The following DDX20 variants were observed in gnomAD, a reference collection of about 807,000 sequenced individuals.
DDX20 encodes the protein DEAD-box helicase 20, also known as probable ATP-dependent RNA helicase DDX20.
Under a neutral mutation model 76.4 loss-of-function variants are expected in DDX20, and 61 were observed. That is an observed-to-expected ratio of 0.80 (90% confidence interval 0.65 to 0.99). The LOEUF (loss-of-function observed/expected upper bound fraction) is 0.99, where lower values mean the gene tolerates loss of function less well. DDX20 is among the 50% of genes least tolerant of loss of function. DDX20 has a pLI of 0.00. For synonymous variants in DDX20, 357 were observed against 357.4 expected, an observed-to-expected ratio of 1.00 and a Z score of 0.01; for missense variants, 976 against 996.8, an observed-to-expected ratio of 0.98 and a Z score of 0.28.
rs145651936 is a variant in DDX20, at chr1:111,759,358, T to TA, written c.397-41dup. 3,295 of 1,484,398 alleles carry TA rather than the reference T, an allele frequency of 2.2e-3. 81 individuals carry two copies. The African/African-American group carries it at 0.042, about 19-fold the overall frequency. The allele number at this position is 1,484,398 out of a possible 1,614,324, so 92.0% of individuals were successfully genotyped here. A position where few individuals can be genotyped will look rare whatever the true frequency, so the allele number is the denominator to read the frequency against. On this transcript the variant is annotated intron_variant, in intron 2 of 10. Coordinates refer to ENST00000369702, the MANE Select transcript of DDX20 (RefSeq NM_007204.5). ...TGAATATACCAGTCCCCTATGTATTTATTCCTCTGACTCAAAGGTGTAATT... is the reference window on the plus strand; with the variant it reads ...TGAATATACCAGTCCCCTATGTATTTAATTCCTCTGACTCAAAGGTGTAATT...
chr1:111,760,141 C>T (rs1047352289), intron 3 of DDX20, among the ~76,000 whole-genome samples: 1 of 152,118 alleles, frequency 6.6e-6, no homozygotes, highest in Non-Finnish European at 1.5e-5. Flanking sequence ...TCAGGAGGCC[C>T]TTCTAAGCCA....
At chr1:111,759,199 C>A (rs1382130692) in intron 2 of DDX20, among the ~76,000 whole-genome samples, 2 of 152,196 alleles carry the variant, frequency 1.3e-5, no homozygotes, top group Admixed American at 1.3e-4. Context: ...CAGACTTGAG[C>A]ATCTGCCAGT....
At position 111,766,941 on chromosome 1, in the gene DDX20, G is replaced by C. The variant is rs1327528420; in HGVS notation, c.*42G>C. 2 of 1,445,884 alleles carry C rather than the reference G, an allele frequency of 1.4e-6. No individual in the cohort carries two copies. Among genetic ancestry groups the C allele is most frequent in the Non-Finnish European group, 1.9e-6 (2 of 1,052,068 alleles). 89.6% of individuals were successfully genotyped at this position (1,445,884 alleles called of 1,614,324 possible). A position where few individuals can be genotyped will look rare whatever the true frequency, so the allele number is the denominator to read the frequency against. On this transcript the variant is annotated 3_prime_UTR_variant, in exon 11 of 11. Coordinates refer to ENST00000369702, the MANE Select transcript of DDX20 (RefSeq NM_007204.5). Reference sequence around the variant, plus strand: ...AGACCATCAGGAACTGTCAACAAATGATACCTTTGGATATCCATCCTCCTC... The same window carrying C: ...AGACCATCAGGAACTGTCAACAAATCATACCTTTGGATATCCATCCTCCTC...
chr1:111,756,679 A>G lies in DDX20; in HGVS notation c.335A>G (p.Lys112Arg), dbSNP rs778592656. 5.0e-6 allele frequency: 8 copies of G among 1,614,150 alleles called. No homozygotes were observed. The highest frequency in any genetic ancestry group is 6.8e-6 in the Non-Finnish European group (8 of 1,180,008). ...LIVQAKSGTG[K>R]TCVFSTIALD... is the part of the protein sequence containing the mutation. ...GTTCAAGCTAAATCTGGCACCGGGAAAACCTGTGTGTTCTCCACCATAGCT... is the reference window on the plus strand; with the variant it reads ...GTTCAAGCTAAATCTGGCACCGGGAGAACCTGTGTGTTCTCCACCATAGCT... Residue 112 changes from lysine to arginine, a missense_variant, in exon 2 of 11, where the codon AAA (lysine) becomes AGA (arginine). By Grantham distance (26) the Lys-to-Arg change is conservative. Around this residue, in one of 3 missense-constraint regions of DDX20, gnomAD observed 343 missense variants for 286.4 expected, o/e 1.20. Coordinates refer to ENST00000369702, the MANE Select transcript of DDX20 (RefSeq NM_007204.5).
rs1663793908 is a variant in DDX20, at chr1:111,766,842, G to A, written c.2418G>A (p.Met806Ile). 6.2e-7 allele frequency: 1 copy of A among 1,613,786 alleles called. No individual in the cohort carries two copies. Among genetic ancestry groups the A allele is most frequent in the Non-Finnish European group, 8.5e-7 (1 of 1,179,940 alleles). Residue 806 changes from methionine (M) to isoleucine (I), a missense_variant, in exon 11 of 11, where the codon ATG becomes ATA. Transcript: ENST00000369702. ...ATGCTCAGAGACATCCAAGTTGGATGGCAGCTTATCACATGAATACCATTT... is the reference window on the plus strand; with the variant it reads ...ATGCTCAGAGACATCCAAGTTGGATAGCAGCTTATCACATGAATACCATTT... ...YWNAQRHPSWMAAYHMNTIYL... is the reference protein window; with the variant it reads ...YWNAQRHPSWIAAYHMNTIYL...
intron 2 of DDX20, among the ~76,000 whole-genome samples, chr1:111,758,373 T>A (rs1162991425): frequency 3.4e-4 from 44 of 130,850 alleles, no homozygotes; most frequent in East Asian, 2.5e-3. Context: ...TTTTTTTTTT[T>A]AAATCAATTT....
At position 111,759,362 on chromosome 1, in the gene DDX20, C is replaced by A. The variant is rs1320978023; in HGVS notation, c.397-38C>A. ...TATACCAGTCCCCTATGTATTTATT[C>A]CTCTGACTCAAAGGTGTAATTTATG... On this transcript the variant is annotated intron_variant, in intron 2 of 10. Coordinates refer to ENST00000369702, the MANE Select transcript of DDX20 (RefSeq NM_007204.5). The A allele has an allele frequency of 7.3e-6, 11 of 1,507,278 alleles. 1 individual carries two copies. The highest frequency in any genetic ancestry group is 1.0e-5 in the Non-Finnish European group (11 of 1,103,798). The allele number at this position is 1,507,278 out of a possible 1,614,324, so 93.4% of individuals were successfully genotyped here. A position where few individuals can be genotyped will look rare whatever the true frequency, so the allele number is the denominator to read the frequency against.
At chr1:111,762,519 C>A in intron 8 of DDX20, 158 bp from the exon 9 acceptor site, 1 of 830,584 alleles carries the variant, frequency 1.2e-6, no homozygotes, top group Non-Finnish European at 1.9e-6. Context: ...TATCTTTGTC[C>A]TTGAAATTAG....
intron 10 of DDX20, 36 bp from the exon 11 acceptor site, chr1:111,765,701 G>A (rs1485648218): frequency 6.6e-7 from 1 of 1,518,388 alleles, no homozygotes; most frequent in African/African-American, 1.4e-5. Context: ...AGAGTAGCTT[G>A]AGAATTTTAA....
At position 111,762,990 on chromosome 1, in the gene DDX20, A is replaced by G. The variant is rs768542030; in HGVS notation, c.1295A>G (p.Asn432Ser). The G allele has an allele frequency of 4.3e-6, 7 of 1,612,586 alleles. No homozygotes were observed. The African/African-American group carries it at 8.0e-5, about 18-fold the overall frequency. ...AGAATTGCCCAGAAATGTAATATCA[A>G]CCTTCTCCCTTTACCAGGTACATTT... ...MMRIAQKCNI[N>S]LLPLPDPIPS... Residue 432 changes from asparagine (N) to serine (S), a missense_variant, in exon 10 of 11, where the codon AAC (asparagine) becomes AGC (serine). Physicochemically the swap from Asn to Ser is conservative, Grantham distance 46 (BLOSUM62 1). This residue lies in a region of DDX20 where 630 missense variants were observed against 693.7 expected (regional missense o/e 0.91). Transcript: ENST00000369702.
At chr1:111,756,266 G>GGGGC in intron 1 of DDX20, 41 bp downstream of exon 1, 11 of 842,516 alleles carry the variant, frequency 1.3e-5, no homozygotes, top group South Asian at 2.0e-5. Context: ...GGTGGGGTGG[G>GGGGC]AGAAGGGGGA....
rs1255394153 is a variant in DDX20 at position 111,766,928 on chromosome 1, A to G, written c.*29A>G. The G allele has an allele frequency of 6.5e-7, 1 of 1,539,962 alleles. No homozygotes were observed. The highest frequency in any genetic ancestry group is 1.7e-5 in the Admixed American group (1 of 58,652). ...TAGGATATACCTGAGACCATCAGGA[A>G]CTGTCAACAAATGATACCTTTGGAT... On this transcript the variant is annotated 3_prime_UTR_variant, in exon 11 of 11. Transcript: ENST00000369702.
intron 1 of DDX20, among the ~76,000 whole-genome samples, chr1:111,756,427 A>T (rs1035794500): frequency 6.6e-6 from 1 of 152,196 alleles, no homozygotes; most frequent in African/African-American, 2.4e-5. Context: ...GATAGTTAAG[A>T]CCTTTTTTTA....
intron 10 of DDX20, among the ~76,000 whole-genome samples, chr1:111,765,137 T>C (rs1022452815): frequency 6.6e-6 from 1 of 152,214 alleles, no homozygotes; most frequent in African/African-American, 2.4e-5. Flanking sequence ...ATAGAAAATT[T>C]AGAGGGTTGA....
Position 111,767,031 on chromosome 1 carries a change from C to G in DDX20, c.*132C>G. 1.6e-6 allele frequency: 1 copy of G among 611,712 alleles called. No individual in the cohort carries two copies. Among genetic ancestry groups the G allele is most frequent in the Non-Finnish European group, 2.7e-6 (1 of 367,860 alleles). 37.9% of individuals were successfully genotyped at this position (611,712 alleles called of 1,614,324 possible). A position where few individuals can be genotyped will look rare whatever the true frequency, so the allele number is the denominator to read the frequency against. On this transcript the variant is annotated 3_prime_UTR_variant, in exon 11 of 11. Coordinates refer to ENST00000369702, the MANE Select transcript of DDX20 (RefSeq NM_007204.5). ...ACTTGAAAAGACTTGAGTCTTTCCA[C>G]TGGGACACATCCATTTTTCAGATTG... is the stretch of plus-strand genomic sequence containing the variant.
rs764570934 is a variant in DDX20 at position 111,765,933 on chromosome 1, A to T, written c.1509A>T (p.Gly503=). 10 of 1,613,444 alleles carry T rather than the reference A, an allele frequency of 6.2e-6. No individual in the cohort carries two copies. The highest frequency in any genetic ancestry group is 1.3e-5 in the African/African-American group (1 of 74,782). ...MASSRNNSVS[G]LSVKSKNNTK... ...CCTCTAGAAATAATTCTGTATCTGG[A>T]CTATCAGTCAAATCAAAAAATAATA... Residue 503 remains glycine (G), a synonymous_variant, in exon 11 of 11, where the codon GGA becomes GGT. Coordinates refer to ENST00000369702, the MANE Select transcript of DDX20 (RefSeq NM_007204.5).
intron 2 of DDX20, 113 bp from the exon 3 acceptor site, chr1:111,759,287 A>G: frequency 1.1e-6 from 1 of 885,870 alleles, no homozygotes; most frequent in Non-Finnish European, 1.6e-6. Context: ...ATCAATAAAA[A>G]CTCATTTGAA....
chr1:111,760,494 G>A lies in DDX20; in HGVS notation c.586G>A (p.Glu196Lys). The A allele has an allele frequency of 6.2e-7, 1 of 1,600,020 alleles. No homozygotes were observed. Among genetic ancestry groups the A allele is most frequent in the Non-Finnish European group, 8.5e-7 (1 of 1,175,926 alleles). The change falls in exon 4 of 11, where the codon GAA (glutamate) becomes AAA (lysine). Residue 196 changes from glutamate (E) to lysine (K), a missense_variant. This residue lies in a region of DDX20 where 343 missense variants were observed against 286.4 expected (regional missense o/e 1.20). Transcript: ENST00000369702. ...ATTAGGCAGAATTAAGCAACTCATA[G>A]AACTTGACTACTTGAACCCAGGCAG... The part of the protein sequence containing the change: ...GSPGRIKQLI[E>K]LDYLNPGSIR...
rs1465671297 is a variant in DDX20 at position 111,762,293 on chromosome 1, A to G, written c.1060A>G (p.Lys354Glu). 6.2e-7 allele frequency: 1 copy of G among 1,613,562 alleles called. No individual in the cohort carries two copies. Among genetic ancestry groups the G allele is most frequent in the Non-Finnish European group, 8.5e-7 (1 of 1,179,810 alleles). ...NQNQRLDAMA[K>E]LKHFHCRVLI... ...GAATCAGCGTCTTGATGCTATGGCT[A>G]AACTGAAGCACTTTCATTGCAGAGT... Residue 354 changes from lysine (K) to glutamate (E), a missense_variant, in exon 8 of 11, where the codon AAA (lysine) becomes GAA (glutamate). By Grantham distance (56) the Lys-to-Glu change is moderately conservative (BLOSUM62 1). Transcript: ENST00000369702.
Sources: gnomAD v4.1 joint callset for allele counts (sites outside exome capture counted in the v4.1 genomes callset) on GRCh38, gnomAD v4.1.1 for gene constraint, gnomAD v4.1.1 regional missense constraint, MANE v1.5 for transcripts, NCBI Gene and HGNC (gene_info 2026-07-23, HGNC 2026-07-21) for gene names.